The following KIF26B variants were observed in gnomAD, a reference collection of about 807,000 sequenced individuals.
KIF26B encodes the protein kinesin-like protein KIF26B.
A neutral mutation model predicts 151.2 loss-of-function variants in KIF26B; 63 were observed. The observed-to-expected ratio is 0.42, with a 90% CI of 0.34 to 0.51. The LOEUF is 0.51. Ranked by LOEUF, KIF26B falls within the 20% of genes least tolerant of loss-of-function variation. KIF26B has a pLI of 0.07. For missense variants in KIF26B, 2,813 were observed against 2,913.6 expected (o/e 0.97, Z 0.79); for synonymous variants, 1,357 against 1,262.1 (o/e 1.08, Z -1.59).
In KIF26B at chr1:245,687,931, A is replaced by C; in HGVS notation, c.4948A>C (p.Ser1650Arg). The part of the protein sequence containing the change: ...EPSGKTKDAS[S>R]SSKLFSAKLE... ...TAGCGGCAAGACGAAGGACGCCAGC[A>C]GCAGCAGCAAGCTCTTCAGTGCCAA... The change falls in exon 12 of 15, where the codon AGC becomes CGC. Residue 1650 changes from serine (S) to arginine (R), a missense_variant. By Grantham distance (110) the Ser-to-Arg change is moderately radical (BLOSUM62 -1). Around this residue, in one of 3 missense-constraint regions of KIF26B, gnomAD observed 2,060 missense variants for 2,088.6 expected, o/e 0.99. Transcript: ENST00000407071. The surrounding 1 kb of genome is among the most constrained non-coding windows in gnomAD (Gnocchi z 4.9). The C allele has an allele frequency of 6.3e-7, 1 of 1,594,504 alleles. No homozygotes were observed. The highest frequency in any genetic ancestry group is 8.5e-7 in the Non-Finnish European group (1 of 1,172,360).
At chr1:245,541,354 C>A (rs1343001292) in intron 5 of KIF26B, among the ~76,000 whole-genome samples, 1 of 152,220 alleles carries the variant, frequency 6.6e-6, no homozygotes, top group Non-Finnish European at 1.5e-5. Context: ...GCCTCCTCTT[C>A]AGAGAAATCC....
intron 4 of KIF26B, among the ~76,000 whole-genome samples, chr1:245,439,740 G>C (rs1302545194): frequency 6.6e-6 from 1 of 152,210 alleles, no homozygotes; most frequent in Non-Finnish European, 1.5e-5. Flanking sequence ...TAGACTTGGA[G>C]AAACTGTTTA....
rs549062191 is a variant in KIF26B at position 245,421,225 on chromosome 1, A to G, written c.1166+1480A>G. On this transcript the variant is annotated intron_variant, in intron 4 of 14. Coordinates refer to ENST00000407071, the MANE Select transcript of KIF26B (RefSeq NM_018012.4). ...TTATGAGGAAATGTCACAAGCACAGAAGCTCCTAGGAGGTTATTAGAACAT... is the reference window on the plus strand; with the variant it reads ...TTATGAGGAAATGTCACAAGCACAGGAGCTCCTAGGAGGTTATTAGAACAT... Among the ~76,000 whole-genome samples, 13 of 152,240 alleles carry G rather than the reference A, an allele frequency of 8.5e-5. No homozygotes were observed. In the East Asian group the frequency reaches 2.5e-3, roughly 29 times the overall value.
intron 2 of KIF26B, among the ~76,000 whole-genome samples, chr1:245,315,444 G>A (rs1334651224): frequency 3.3e-5 from 5 of 151,332 alleles, no homozygotes; most frequent in African/African-American, 4.9e-5. Context: ...AAAAAAGGCC[G>A]GGTGCAGTGG....
At position 245,685,457 on chromosome 1, in the gene KIF26B, G is replaced by A. The variant is rs376059893; in HGVS notation, c.2474G>A (p.Arg825His). 36 of 1,613,506 alleles carry A rather than the reference G, an allele frequency of 2.2e-5. No homozygotes were observed. The highest frequency in any genetic ancestry group is 3.0e-5 in the Non-Finnish European group (35 of 1,179,824). Residue 825 changes from arginine (R) to histidine (H), a missense_variant, in exon 12 of 15, where the codon CGC (arginine) becomes CAC (histidine). Transcript: ENST00000407071. ...GESSCEEGRMRRPTQLRPFHT... is the reference protein window; with the variant it reads ...GESSCEEGRMHRPTQLRPFHT... The stretch of plus-strand genomic sequence containing the variant: ...AGCTCCTGCGAAGAAGGCCGCATGC[G>A]CAGGCCCACCCAGCTGAGACCCTTC...
rs577849547 is a variant in KIF26B at position 245,242,901 on chromosome 1, T to C, written c.465+86218T>C. On this transcript the variant is annotated intron_variant, in intron 2 of 14. Coordinates refer to ENST00000407071, the MANE Select transcript of KIF26B (RefSeq NM_018012.4). Reference sequence around the variant, plus strand: ...TCCTGACATCATGATCTGCCCGCCTTGGCCTCCCAAAGTGCTGGGATTACA... The same window carrying C: ...TCCTGACATCATGATCTGCCCGCCTCGGCCTCCCAAAGTGCTGGGATTACA... Among the ~76,000 whole-genome samples, 547 of 149,108 alleles carry C rather than the reference T, an allele frequency of 3.7e-3. 3 individuals carry two copies. Among genetic ancestry groups the C allele is most frequent in the African/African-American group, 0.013 (517 of 38,988 alleles).
rs150039984 is a variant in KIF26B at position 245,218,910 on chromosome 1, C to T, written c.465+62227C>T. ...TCAGCCAGACCTGAAACCCTTTCCC[C>T]GGTTCTTGTTGGCATTTCTGACTTT... On this transcript the variant is annotated intron_variant, in intron 2 of 14. Coordinates refer to ENST00000407071, the MANE Select transcript of KIF26B (RefSeq NM_018012.4). This position sits in a 1 kb window ranked among gnomAD's most constrained non-coding sequence, Gnocchi z 4.1. 5.3e-5 allele frequency among the ~76,000 whole-genome samples: 8 copies of T among 152,164 alleles called. No homozygotes were observed. The highest frequency in any genetic ancestry group is 2.1e-4 in the South Asian group (1 of 4,824).
intron 2 of KIF26B, among the ~76,000 whole-genome samples, chr1:245,299,177 C>T (rs1248981855): frequency 6.6e-6 from 1 of 152,162 alleles, no homozygotes; most frequent in Non-Finnish European, 1.5e-5. Context: ...TTATTCTGTT[C>T]CTTATTATTA....
intron 2 of KIF26B, among the ~76,000 whole-genome samples, chr1:245,209,412 ACAAG>A (rs770976418): frequency 2.9e-3 from 435 of 151,808 alleles, no homozygotes; most frequent in South Asian, 4.6e-3. Context: ...AAAAAATAAA[ACAAG>A]AAAAAAAATA....
chr1:245,176,455 G>A (rs113677884), intron 2 of KIF26B, among the ~76,000 whole-genome samples: 3,109 of 152,282 alleles, frequency 0.02, 100 homozygotes, highest in African/African-American at 0.071. Context: ...GGTCTATCAT[G>A]GGATTTAGTT....
At chr1:245,247,561 A>C (rs954886841) in intron 2 of KIF26B, among the ~76,000 whole-genome samples, 2 of 152,362 alleles carry the variant, frequency 1.3e-5, no homozygotes, top group South Asian at 4.1e-4. Context: ...ATTCTGCCCG[A>C]GAAGCAGGGC....
At chr1:245,515,317 T>A (rs1217405741) in intron 4 of KIF26B, among the ~76,000 whole-genome samples, 1 of 152,162 alleles carries the variant, frequency 6.6e-6, no homozygotes, top group Non-Finnish European at 1.5e-5. Flanking sequence ...CTATGGCACC[T>A]ACATCTCTCC....
Position 245,609,252 on chromosome 1 carries a change from C to G in KIF26B, c.1652-14C>G. 6 of 1,584,716 alleles carry G rather than the reference C, an allele frequency of 3.8e-6. No homozygotes were observed. The highest frequency in any genetic ancestry group is 5.2e-6 in the Non-Finnish European group (6 of 1,162,408). On this transcript the variant is annotated splice_polypyrimidine_tract_variant and intron_variant, in intron 7 of 14. Coordinates refer to ENST00000407071, the MANE Select transcript of KIF26B (RefSeq NM_018012.4). ...ACACTGAACCTGCTTTTCTTCCTTCCCTGGTTCTCCCAGGAAAATCCTACA... is the reference window on the plus strand; with the variant it reads ...ACACTGAACCTGCTTTTCTTCCTTCGCTGGTTCTCCCAGGAAAATCCTACA...
rs189550260 is a variant in KIF26B at position 245,516,167 on chromosome 1, C to G, written c.1167-24600C>G. Reference sequence around the variant, plus strand: ...CTCTCTCTTTCTGAACCCGGACTTGCAGGCCATATCTGGATTTATCCTTTT... The same window carrying G: ...CTCTCTCTTTCTGAACCCGGACTTGGAGGCCATATCTGGATTTATCCTTTT... On this transcript the variant is annotated intron_variant, in intron 4 of 14. Transcript: ENST00000407071. This position sits in a 1 kb window ranked among gnomAD's most constrained non-coding sequence, Gnocchi z 4.2. Among the ~76,000 whole-genome samples, 170 of 152,304 alleles carry G rather than the reference C, an allele frequency of 1.1e-3. No individual in the cohort carries two copies. The highest frequency in any genetic ancestry group is 2.9e-4 in the Non-Finnish European group (20 of 68,032).
chr1:245,173,346 G>T (rs1346004724), intron 2 of KIF26B, among the ~76,000 whole-genome samples: 1 of 151,806 alleles, frequency 6.6e-6, no homozygotes, highest in Admixed American at 6.6e-5. Flanking sequence ...ATTATGAGAG[G>T]TCAATGTTAT....
intron 5 of KIF26B, among the ~76,000 whole-genome samples, chr1:245,569,953 T>TTTTTTTA (rs2043050324): frequency 7.7e-6 from 1 of 129,964 alleles, no homozygotes; most frequent in African/African-American, 2.9e-5. Context: ...TTTTTTTTTT[T>TTTTTTTA]GAGACGGAGT....
At chr1:245,499,426 G>A (rs1660575295) in intron 4 of KIF26B, among the ~76,000 whole-genome samples, 1 of 152,172 alleles carries the variant, frequency 6.6e-6, no homozygotes, top group Admixed American at 6.5e-5. Context: ...AATAAGGGTG[G>A]AGTCCCTAAT....
Position 245,341,922 on chromosome 1 carries a change from C to G in KIF26B, c.466-24912C>G, listed in dbSNP as rs551065247. Among the ~76,000 whole-genome samples the G allele has an allele frequency of 1.1e-4, 17 of 152,316 alleles. No individual in the cohort carries two copies. The South Asian group carries it at 3.5e-3, about 32-fold the overall frequency. On this transcript the variant is annotated intron_variant, in intron 2 of 14. Coordinates refer to ENST00000407071, the MANE Select transcript of KIF26B (RefSeq NM_018012.4). ...ACCATCTACGCCCATCTCCCTCCCC[C>G]TTAAGGGTTAGCATGACATTGTATC...
chr1:245,653,412 GCC>G (rs2044040382), intron 10 of KIF26B, among the ~76,000 whole-genome samples: 1 of 152,122 alleles, frequency 6.6e-6, no homozygotes, highest in Non-Finnish European at 1.5e-5. Flanking sequence ...GCATAAATGA[GCC>G]CCCGGTGAGA....
Sources: allele counts gnomAD v4.1 joint callset (sites outside exome capture counted in the v4.1 genomes callset), GRCh38; gene constraint gnomAD v4.1.1; regional missense constraint gnomAD v4.1.1; non-coding constraint Gnocchi (gnomAD v3.1); transcripts MANE v1.5; gene names NCBI Gene and HGNC (gene_info 2026-07-23, HGNC 2026-07-21).